SEMA6B: variants seen among roughly 807,000 people sequenced by gnomAD.
The protein encoded by SEMA6B is semaphorin 6B, also known as semaphorin-6B.
A neutral mutation model predicts 78.6 loss-of-function variants in SEMA6B; 47 were observed. That is an observed-to-expected ratio of 0.60 (90% CI 0.47 to 0.76). The LOEUF (loss-of-function observed/expected upper bound fraction) is 0.76, where lower values mean the gene tolerates loss of function less well. SEMA6B is among the 30% of genes least tolerant of loss of function. SEMA6B has a pLI of 0.00. For missense variants in SEMA6B, 1,213 were observed against 1,269.9 expected (o/e 0.96, Z 0.68); for synonymous variants, 632 against 592.2 (o/e 1.07, Z -0.98).
At position 4,558,273 on chromosome 19, in the gene SEMA6B, C is replaced by A; in HGVS notation, c.121+64G>T. The A allele has an allele frequency of 2.3e-6, 3 of 1,306,580 alleles. No homozygotes were observed. The highest frequency in any genetic ancestry group is 2.9e-6 in the Non-Finnish European group (3 of 1,017,568). 80.9% of individuals were successfully genotyped at this position (1,306,580 alleles called of 1,614,324 possible). ...GAGTCCCCCAGTGGGGGCAGCAGACCCAACTGGGAACCCAGATACTCCCAC... is the reference window on the plus strand; with the variant it reads ...GAGTCCCCCAGTGGGGGCAGCAGACACAACTGGGAACCCAGATACTCCCAC... On this transcript the variant is annotated intron_variant, in intron 2 of 16. Transcript: ENST00000586582. This position sits in a 1 kb window ranked among gnomAD's most constrained non-coding sequence, Gnocchi z 5.1.
chr19:4,554,264 C>T, intron 9 of SEMA6B, 124 bp downstream of exon 9: 1 of 757,582 alleles, frequency 1.3e-6, no homozygotes, highest in South Asian at 1.7e-5. Flanking sequence ...AAAGGAGGCC[C>T]TGGGGACCAG....
chr19:4,557,392 C>T (rs941419744), intron 3 of SEMA6B, among the ~76,000 whole-genome samples, 169 bp from the exon 4 acceptor site: 2 of 152,174 alleles, frequency 1.3e-5, no homozygotes, highest in Non-Finnish European at 2.9e-5. Flanking sequence ...CCCAGCAGGC[C>T]TTCATATCCT....
intron 14 of SEMA6B, 146 bp downstream of exon 14, chr19:4,547,881 T>A: frequency 9.9e-7 from 1 of 1,007,574 alleles, no homozygotes; most frequent in Non-Finnish European, 1.4e-6. Flanking sequence ...GGAGTGGTCC[T>A]GCCCGCGGGC....
Position 4,555,940 on chromosome 19 carries a change from C to T in SEMA6B, c.471+48G>A, listed in dbSNP as rs770986567. 1 of 1,461,438 alleles carries T rather than the reference C, an allele frequency of 6.8e-7. No individual in the cohort carries two copies. Among genetic ancestry groups the T allele is most frequent in the Non-Finnish European group, 9.6e-7 (1 of 1,041,346 alleles). The allele number at this position is 1,461,438 out of a possible 1,614,324, so 90.5% of individuals were successfully genotyped here. ...CCATGGCCAGCGGAGGTCGGGCGAGCAGAGGCCTGGAGGTTGGACCTGGGG... is the reference window on the plus strand; with the variant it reads ...CCATGGCCAGCGGAGGTCGGGCGAGTAGAGGCCTGGAGGTTGGACCTGGGG... On this transcript the variant is annotated intron_variant, in intron 6 of 16. Transcript: ENST00000586582. This position sits in a 1 kb window ranked among gnomAD's most constrained non-coding sequence, Gnocchi z 6.1.
At position 4,544,628 on chromosome 19, in the gene SEMA6B, T is replaced by G. The variant is rs1337170262; in HGVS notation, c.1739-99A>C. ...CCTCTGTCCTCTTTTTTATTATTTT[T>G]ATTTTTTTTTATTTATTTATTTTTT... On this transcript the variant is annotated intron_variant, in intron 16 of 16. Coordinates refer to ENST00000586582, the MANE Select transcript of SEMA6B (RefSeq NM_032108.4). The surrounding 1 kb of genome is among the most constrained non-coding windows in gnomAD (Gnocchi z 5.1). The G allele has an allele frequency of 7.7e-5, 47 of 612,480 alleles. No homozygotes were observed. Among genetic ancestry groups the G allele is most frequent in the Non-Finnish European group, 1.1e-4 (44 of 418,500 alleles). 37.9% of individuals were successfully genotyped at this position (612,480 alleles called of 1,614,324 possible). A position where few individuals can be genotyped will look rare whatever the true frequency, so the allele number is the denominator to read the frequency against.
At chr19:4,546,147 A>G in intron 16 of SEMA6B, 69 bp downstream of exon 16, 1 of 1,457,564 alleles carries the variant, frequency 6.9e-7, no homozygotes, top group Non-Finnish European at 9.2e-7. Flanking sequence ...AGGGTCCTCC[A>G]GCCTCCTCCC....
rs1977541883 is a variant in SEMA6B at position 4,558,683 on chromosome 19, C to T, written c.-32-194G>A. ...AATTATCAGAACAACTTTATGGCCA[C>T]GTGTGCGTGAAAGCCCAGGAAACGA... On this transcript the variant is annotated intron_variant, in intron 1 of 16. Coordinates refer to ENST00000586582, the MANE Select transcript of SEMA6B (RefSeq NM_032108.4). The surrounding 1 kb of genome is among the most constrained non-coding windows in gnomAD (Gnocchi z 5.1). Among the ~76,000 whole-genome samples, 1 of 152,170 alleles carries T rather than the reference C, an allele frequency of 6.6e-6. No individual in the cohort carries two copies. The highest frequency in any genetic ancestry group is 2.4e-5 in the African/African-American group (1 of 41,430).
rs1471835721 is a variant in SEMA6B at position 4,544,218 on chromosome 19, G to A, written c.2050C>T (p.Leu684=). 1 of 1,274,880 alleles carries A rather than the reference G, an allele frequency of 7.8e-7. No individual in the cohort carries two copies. Among genetic ancestry groups the A allele is most frequent in the Non-Finnish European group, 9.9e-7 (1 of 1,013,228 alleles). The allele number at this position is 1,274,880 out of a possible 1,614,324, so 79.0% of individuals were successfully genotyped here. A position where few individuals can be genotyped will look rare whatever the true frequency, so the allele number is the denominator to read the frequency against. The stretch of plus-strand genomic sequence containing the variant: ...GCCTTGGCCCAGCCGTTCTGCATCA[G>A]GGGCGCCAGCAGGGCCTCCGGGGGA... ...GVPPEALLAP[L]MQNGWAKATL... The change falls in exon 17 of 17, where the codon CTG becomes TTG. Residue 684 remains leucine (L), a synonymous_variant. Transcript: ENST00000586582. This position sits in a 1 kb window ranked among gnomAD's most constrained non-coding sequence, Gnocchi z 5.1.
intron 8 of SEMA6B, 111 bp from the exon 9 acceptor site, chr19:4,554,587 G>T: frequency 1.2e-6 from 1 of 803,434 alleles, no homozygotes; most frequent in Non-Finnish European, 2.0e-6. Flanking sequence ...TGGTTACCCA[G>T]ACAATATGAA....
chr19:4,557,898 A>C, intron 3 of SEMA6B, 128 bp downstream of exon 3: 2 of 806,780 alleles, frequency 2.5e-6, no homozygotes, highest in Middle Eastern at 2.6e-4. Context: ...GTCAAAGCCT[A>C]AGTCCTCCCA....
chr19:4,546,013 C>T (rs1977154375), intron 16 of SEMA6B: 1 of 480,484 alleles, frequency 2.1e-6, no homozygotes, highest in East Asian at 3.4e-5. Context: ...CCTCGTGATC[C>T]ACCCACCTTG....
intron 12 of SEMA6B, 68 bp from the exon 13 acceptor site, chr19:4,548,513 C>T: frequency 1.4e-6 from 2 of 1,432,694 alleles, no homozygotes; most frequent in Non-Finnish European, 1.9e-6. Flanking sequence ...ACGGGCATGG[C>T]CATAGTTACA....
rs761566027 is a variant in SEMA6B, at chr19:4,548,370, A to G, written c.1347T>C (p.Ser449=). The G allele has an allele frequency of 1.2e-6, 2 of 1,613,888 alleles. No individual in the cohort carries two copies. The highest frequency in any genetic ancestry group is 1.7e-6 in the Non-Finnish European group (2 of 1,180,014). ...GGAACTTGAGGACCGTCCCCGCCTC[A>G]GAACCCAGGAAGACAACGGTCTGGT... ...WGNQTVVFLG[S]EAGTVLKFLV... is the part of the protein sequence containing the mutation. The change falls in exon 13 of 17, where the codon TCT becomes TCC. Residue 449 remains serine, a synonymous_variant. Transcript: ENST00000586582.
Position 4,555,008 on chromosome 19 carries a change from C to T in SEMA6B, c.650G>A (p.Arg217His), listed in dbSNP as rs1363348731. Reference sequence around the variant, plus strand: ...CCACTTGGAGTCATGTTTCACGGTGCGCAGGGTGGGCCTGTCCCCGAGGCT... The same window carrying T: ...CCACTTGGAGTCATGTTTCACGGTGTGCAGGGTGGGCCTGTCCCCGAGGCT... The part of the protein sequence containing the change: ...YRSLGDRPTL[R>H]TVKHDSKWFK... Residue 217 changes from arginine (R) to histidine (H), a missense_variant, in exon 8 of 17, where the codon CGC becomes CAC. By Grantham distance (29) the Arg-to-His change is conservative. Coordinates refer to ENST00000586582, the MANE Select transcript of SEMA6B (RefSeq NM_032108.4). The surrounding 1 kb of genome is among the most constrained non-coding windows in gnomAD (Gnocchi z 6.1). 1.9e-6 allele frequency: 3 copies of T among 1,614,002 alleles called. No individual in the cohort carries two copies. The highest frequency in any genetic ancestry group is 1.7e-6 in the Non-Finnish European group (2 of 1,179,998).
In SEMA6B at chr19:4,546,199, C is replaced by T; in HGVS notation, c.1738+17G>A. 1 of 1,594,390 alleles carries T rather than the reference C, an allele frequency of 6.3e-7. No homozygotes were observed. The highest frequency in any genetic ancestry group is 8.5e-7 in the Non-Finnish European group (1 of 1,169,688). ...AGTGGGGGATGGGGGTCTTAGCCTG[C>T]CGTCCCCCCAACTCACCTGTGCAGT... On this transcript the variant is annotated intron_variant, in intron 16 of 16. Transcript: ENST00000586582.
chr19:4,549,678 CTG>C (rs775255779), intron 12 of SEMA6B, among the ~76,000 whole-genome samples: 11 of 152,334 alleles, frequency 7.2e-5, no homozygotes, highest in Non-Finnish European at 1.3e-4. Context: ...CGGGGTTTCA[CTG>C]TGTTAACCAA....
rs777767520 is a variant in SEMA6B, at chr19:4,546,383, C to G, written c.1679+9G>C. 6.3e-7 allele frequency: 1 copy of G among 1,584,930 alleles called. No individual in the cohort carries two copies. The highest frequency in any genetic ancestry group is 1.1e-5 in the South Asian group (1 of 87,196). On this transcript the variant is annotated intron_variant, in intron 15 of 16. Transcript: ENST00000586582. ...CACACCCTCCACCCACCTCCCTCTC[C>G]CGCAGTACCTGGTGCCCGGGCTGAG...
At chr19:4,556,663 CA>C (rs943105228) in intron 5 of SEMA6B, among the ~76,000 whole-genome samples, 1 of 151,822 alleles carries the variant, frequency 6.6e-6, no homozygotes, top group African/African-American at 2.4e-5. Context: ...GTAGGACTGA[CA>C]GGGGCAGAAG....
rs1977115395 is a variant in SEMA6B, at chr19:4,544,521, G to A, written c.1747C>T (p.Arg583Trp). 2 of 1,531,254 alleles carry A rather than the reference G, an allele frequency of 1.3e-6. No individual in the cohort carries two copies. The highest frequency in any genetic ancestry group is 2.6e-5 in the East Asian group (1 of 38,200). 94.9% of individuals were successfully genotyped at this position (1,531,254 alleles called of 1,614,324 possible). A position where few individuals can be genotyped will look rare whatever the true frequency, so the allele number is the denominator to read the frequency against. ...SGLGDCTGLL[R>W]ASLSEDRAGL... ...GCGCGGTCCTCGGAGAGGCTGGCCC[G>A]CAGGAGTCCTGGCCGGGGAGCACAG... Residue 583 changes from arginine to tryptophan, a missense_variant, in exon 17 of 17, where the codon CGG becomes TGG. By Grantham distance (101) the Arg-to-Trp change is moderately radical. Transcript: ENST00000586582. This position sits in a 1 kb window ranked among gnomAD's most constrained non-coding sequence, Gnocchi z 5.1.
Sources: allele counts gnomAD v4.1 joint callset (sites outside exome capture counted in the v4.1 genomes callset), GRCh38; gene constraint gnomAD v4.1.1; non-coding constraint Gnocchi (gnomAD v3.1); transcripts MANE v1.5; gene names NCBI Gene and HGNC (gene_info 2026-07-23, HGNC 2026-07-21).